Variants in PABIR3 observed in about 807,000 individuals in gnomAD.
PABIR3 encodes PABIR family member 3.
In PABIR3, 20 loss-of-function variants were observed where a neutral mutation model predicts 23.1. That is an observed-to-expected ratio of 0.86 (90% CI 0.61 to 1.26). The LOEUF is 1.26. PABIR3 is among the 50% of genes most tolerant of loss of function. PABIR3 has a pLI of 0.00. For synonymous variants in PABIR3, 69 were observed against 68.5 expected, an observed-to-expected ratio of 1.01 and a Z score of -0.04; for missense variants, 189 against 195.4, an observed-to-expected ratio of 0.97 and a Z score of 0.20.
intron 3 of PABIR3, among the ~76,000 whole-genome samples, chrX:134,828,051 A>ATATATATATATATATATATATAT (rs2081598528): frequency 1.2e-5 from 1 of 84,335 alleles, no homozygotes; most frequent in Non-Finnish European, 2.3e-5. Context: ...CTCTCTCTAT[A>ATATATATATATATATATATATAT]TATATATATA....
chrX:134,855,413 A>G (rs994635665), downstream of PABIR3, among the ~76,000 whole-genome samples: 27 of 110,054 alleles, frequency 2.5e-4, no homozygotes, highest in African/African-American at 7.9e-4. Context: ...CAGCCTGGGC[A>G]ACAGAGCAAG....
At chrX:134,809,842 T>C in intron 2 of PABIR3, 2 of 754,327 alleles carry the variant, frequency 2.7e-6, no homozygotes, top group South Asian at 1.3e-4. Context: ...GAATGCAGCT[T>C]TTGGGTCATT....
intron 4 of PABIR3, among the ~76,000 whole-genome samples, chrX:134,833,607 T>C (rs758490788): frequency 1.8e-5 from 2 of 111,345 alleles, no homozygotes; most frequent in South Asian, 7.6e-4. Flanking sequence ...GTCACATAGG[T>C]ATACGTGTTC....
At chrX:134,828,342 T>C (rs2148249291) in intron 3 of PABIR3, among the ~76,000 whole-genome samples, 1 of 110,910 alleles carries the variant, frequency 9.0e-6, no homozygotes, top group South Asian at 3.8e-4. Flanking sequence ...CTGCCTGCCT[T>C]GGCCTCCCAA....
intron 1 of PABIR3, among the ~76,000 whole-genome samples, chrX:134,801,822 G>A (rs1324168011): frequency 9.1e-6 from 1 of 109,737 alleles, no homozygotes; most frequent in Non-Finnish European, 1.9e-5. Flanking sequence ...CTGCATAGGG[G>A]CCATGCTGTA....
chrX:134,821,667 A>G (rs1301846077), intron 3 of PABIR3: 20 of 1,065,808 alleles, frequency 1.9e-5, no homozygotes, highest in Non-Finnish European at 2.4e-5. Flanking sequence ...ATTGGCAACC[A>G]CAAACCCCAA....
At chrX:134,821,524 C>T (rs181602057) in intron 3 of PABIR3, 1 of 1,151,977 alleles carries the variant, frequency 8.7e-7, no homozygotes, top group Non-Finnish European at 1.1e-6. Context: ...TCCATCCCCA[C>T]CCCCTCCTCT....
chrX:134,808,493 G>A (rs915096863), intron 2 of PABIR3, among the ~76,000 whole-genome samples: 6 of 112,089 alleles, frequency 5.4e-5, no homozygotes, highest in Non-Finnish European at 1.1e-4. Flanking sequence ...CCATTCTCCT[G>A]ACTCAGCCTC....
intron 4 of PABIR3, among the ~76,000 whole-genome samples, chrX:134,841,193 G>A (rs2072844617): frequency 1.8e-5 from 2 of 110,145 alleles, no homozygotes; most frequent in African/African-American, 3.3e-5. Flanking sequence ...GAACTCGTGA[G>A]CTCAAGGATT....
chrX:134,802,594 G>C (rs192618576), upstream of PABIR3, among the ~76,000 whole-genome samples: 166 of 112,462 alleles, frequency 1.5e-3, 4 homozygotes, highest in Admixed American at 0.015. Flanking sequence ...CAGAGCAGGA[G>C]GTCTGGCTGT....
In PABIR3 at chrX:134,825,727, A is replaced by C. The variant is rs181278320; in HGVS notation, c.190-3499A>C. Among the ~76,000 whole-genome samples, 156 of 108,251 alleles carry C rather than the reference A, an allele frequency of 1.4e-3. 1 individual carries two copies. The highest frequency in any genetic ancestry group is 5.1e-3 in the African/African-American group (152 of 29,732). 94.0% of individuals were successfully genotyped at this position (108,251 alleles called of 115,157 possible). ...TGTCATCCAGGCTGGAATGCAGTTG[A>C]TCTTGGTTCACTGCAACCTCCGCCT... On this transcript the variant is annotated intron_variant, in intron 3 of 10. Transcript: ENST00000645433.
In PABIR3 at chrX:134,849,242, A is replaced by C. The variant is rs7883046; in HGVS notation, c.589+14A>C. On this transcript the variant is annotated intron_variant, in intron 9 of 10. Coordinates refer to ENST00000645433, the MANE Select transcript of PABIR3 (RefSeq NM_001388447.1). ...TAAAAAGAAAAGGTACTTTTATCTA[A>C]CAGTAGAAGTAAATATAACTTTAAG... 0.068 allele frequency: 50,334 copies of C among 742,377 alleles called. 3,250 individuals are homozygous for C. The highest frequency in any genetic ancestry group is 0.38 in the African/African-American group (16,998 of 44,472). 61.2% of individuals were successfully genotyped at this position (742,377 alleles called of 1,213,427 possible).
intron 4 of PABIR3, among the ~76,000 whole-genome samples, chrX:134,843,637 G>A (rs1349860350): frequency 6.9e-5 from 7 of 100,825 alleles, no homozygotes; most frequent in African/African-American, 1.1e-4. Flanking sequence ...GCGTGATCTC[G>A]GCTCACTGCA....
chrX:134,797,831 TTA>T (rs1328928948), intron 1 of PABIR3, among the ~76,000 whole-genome samples: 3 of 106,475 alleles, frequency 2.8e-5, no homozygotes, highest in African/African-American at 1.0e-4. Context: ...TTTTTTTTTT[TTA>T]AACAGAGTCT....
intron 1 of PABIR3, among the ~76,000 whole-genome samples, chrX:134,798,061 T>C (rs1013045816): frequency 8.9e-6 from 1 of 111,884 alleles, no homozygotes; most frequent in Non-Finnish European, 1.9e-5. Flanking sequence ...CCTCAGGTGA[T>C]CCACCCGCCT....
chrX:134,832,380 A>G (rs2081823476), intron 4 of PABIR3, among the ~76,000 whole-genome samples: 1 of 107,309 alleles, frequency 9.3e-6, no homozygotes, highest in Non-Finnish European at 1.9e-5. Context: ...ATGTTGCTAC[A>G]AACGACTGGA....
At chrX:134,813,071 T>C (rs1334646611) in intron 2 of PABIR3, among the ~76,000 whole-genome samples, 1 of 111,985 alleles carries the variant, frequency 8.9e-6, no homozygotes, top group Middle Eastern at 4.6e-3. Flanking sequence ...ATTTTACAAA[T>C]GAAATGATGG....
downstream of PABIR3, among the ~76,000 whole-genome samples, chrX:134,858,098 T>C (rs1022927232): frequency 8.9e-6 from 1 of 111,788 alleles, no homozygotes; most frequent in African/African-American, 3.2e-5. Flanking sequence ...ACTGAGATCA[T>C]GTAATCTTAG....
intron 1 of PABIR3, 97 bp from the exon 2 acceptor site, chrX:134,807,443 G>A: frequency 9.2e-7 from 1 of 1,081,759 alleles, no homozygotes. Flanking sequence ...GGCTGCTAGG[G>A]CTGCAAAGGT....
Sources: gnomAD v4.1 joint callset for allele counts (sites outside exome capture counted in the v4.1 genomes callset) on GRCh38, gnomAD v4.1.1 for gene constraint, MANE v1.5 for transcripts, NCBI Gene and HGNC (gene_info 2026-07-23, HGNC 2026-07-21) for gene names.